DNAJA1: variants seen among roughly 807,000 people sequenced by gnomAD.
DNAJA1 encodes DnaJ heat shock protein family (Hsp40) member A1.
Under a neutral mutation model 47.6 loss-of-function variants are expected in DNAJA1, and 26 were observed. The ratio of observed to expected loss-of-function variants is 0.55; its 90% CI spans 0.40 to 0.76. DNAJA1 has a LOEUF of 0.76. DNAJA1 is among the 30% of genes least tolerant of loss of function. DNAJA1 has a pLI of 0.00. For synonymous variants in DNAJA1, 165 were observed against 158.4 expected (o/e 1.04, Z -0.31); for missense variants, 315 against 485.0 (o/e 0.65, Z 3.29).
At chr9:33,031,341 C>T (rs537210413) in intron 5 of DNAJA1, among the ~76,000 whole-genome samples, 1 of 152,276 alleles carries the variant, frequency 6.6e-6, no homozygotes, top group African/African-American at 2.4e-5. Context: ...CAGGTGATGA[C>T]CTGCCTCGGC....
At chr9:33,025,764 G>T (rs1011020210) in intron 1 of DNAJA1, among the ~76,000 whole-genome samples, 2 of 152,078 alleles carry the variant, frequency 1.3e-5, no homozygotes, top group Non-Finnish European at 2.9e-5. Flanking sequence ...AGGGGCTGCG[G>T]GGGGAGCCGG....
chr9:33,027,467 G>C (rs569099812), intron 3 of DNAJA1, among the ~76,000 whole-genome samples: 2 of 152,012 alleles, frequency 1.3e-5, no homozygotes, highest in African/African-American at 2.4e-5. Flanking sequence ...CAGTGGTGTC[G>C]CTTTTTTTAA....
Position 33,039,295 on chromosome 9 carries a change from GA to G in DNAJA1, c.*401del, listed in dbSNP as rs1323003368. On this transcript the variant is annotated 3_prime_UTR_variant, in exon 9 of 9. Coordinates refer to ENST00000330899, the MANE Select transcript of DNAJA1 (RefSeq NM_001539.4). ...AACTCTGTATTTAACTGGCAATGAGGAAAAAAAAATTTTGTAGAGAAGTGTT... is the reference window on the plus strand; with the variant it reads ...AACTCTGTATTTAACTGGCAATGAGGAAAAAAAATTTTGTAGAGAAGTGTT... 8 of 174,378 alleles carry G rather than the reference GA, an allele frequency of 4.6e-5. No homozygotes were observed. The highest frequency in any genetic ancestry group is 1.5e-4 in the East Asian group (1 of 6,468). 10.8% of individuals were successfully genotyped at this position (174,378 alleles called of 1,614,324 possible).
At chr9:33,036,493 T>C (rs1839034659) in intron 6 of DNAJA1, 81 bp from the exon 7 acceptor site, 1 of 870,528 alleles carries the variant, frequency 1.1e-6, no homozygotes. Flanking sequence ...TTTGCTTTTA[T>C]TAAACAAAAA....
intron 1 of DNAJA1, among the ~76,000 whole-genome samples, chr9:33,025,802 TTC>T (rs1838819102): frequency 6.6e-6 from 1 of 152,206 alleles, no homozygotes; most frequent in African/African-American, 2.4e-5. Context: ...TGGTTTCGCT[TTC>T]TCTGTTTCCC....
At position 33,037,075 on chromosome 9, in the gene DNAJA1, G is replaced by A. The variant is rs1839046760; in HGVS notation, c.935G>A (p.Arg312His). 8 of 1,613,876 alleles carry A rather than the reference G, an allele frequency of 5.0e-6. No individual in the cohort carries two copies. The highest frequency in any genetic ancestry group is 4.5e-5 in the East Asian group (2 of 44,888). ...CVLNEGMPIY[R>H]RPYEKGRLII... ...CTAAATGAAGGCATGCCAATTTATCGTAGACCATATGAAAAGGGTCGCCTA... is the reference window on the plus strand; with the variant it reads ...CTAAATGAAGGCATGCCAATTTATCATAGACCATATGAAAAGGGTCGCCTA... The change falls in exon 8 of 9, where the codon CGT (arginine) becomes CAT (histidine). Residue 312 changes from arginine to histidine, a missense_variant. Physicochemically the swap from Arg to His is conservative, Grantham distance 29 (BLOSUM62 0). This residue lies in a region of DNAJA1 where 162 missense variants were observed against 185.4 expected (regional missense o/e 0.87). Transcript: ENST00000330899.
intron 3 of DNAJA1, 101 bp downstream of exon 3, chr9:33,027,091 T>G (rs560337116): frequency 7.1e-7 from 1 of 1,414,498 alleles, no homozygotes; most frequent in East Asian, 2.4e-5. Context: ...TACATGTTGG[T>G]ATAATGTTGC....
rs551493408 is a variant in DNAJA1, at chr9:33,025,291, C to T, written c.-103C>T. On this transcript the variant is annotated 5_prime_UTR_variant, in exon 1 of 9. Transcript: ENST00000330899. ...GCGCCGGGCGGAACTTTCCAGAACGCTCGGTGAGAGGCGGAGGAGCGGTAA... is the reference window on the plus strand; with the variant it reads ...GCGCCGGGCGGAACTTTCCAGAACGTTCGGTGAGAGGCGGAGGAGCGGTAA... The T allele has an allele frequency of 2.0e-5, 3 of 152,586 alleles. No homozygotes were observed. Among genetic ancestry groups the T allele is most frequent in the East Asian group, 1.9e-4 (1 of 5,150 alleles). The allele number at this position is 152,586 out of a possible 1,614,324, so 9.5% of individuals were successfully genotyped here.
chr9:33,034,472 T>C, intron 6 of DNAJA1, 142 bp downstream of exon 6: 1 of 645,542 alleles, frequency 1.5e-6, no homozygotes, highest in Non-Finnish European at 2.6e-6. Flanking sequence ...ATTGTTCAGA[T>C]CATAAGAGGT....
intron 8 of DNAJA1, 59 bp from the exon 9 acceptor site, chr9:33,038,626 T>C: frequency 6.6e-7 from 1 of 1,506,794 alleles, no homozygotes; most frequent in Non-Finnish European, 9.1e-7. Flanking sequence ...AATGGGTCCA[T>C]GATACTCTAA....
intron 5 of DNAJA1, 87 bp from the exon 6 acceptor site, chr9:33,034,129 C>A: frequency 1.2e-6 from 1 of 866,540 alleles, no homozygotes; most frequent in Non-Finnish European, 1.7e-6. Flanking sequence ...GATTTTTATG[C>A]ATAAACAAAC....
intron 5 of DNAJA1, among the ~76,000 whole-genome samples, chr9:33,031,803 G>A (rs970124705): frequency 6.6e-6 from 1 of 152,122 alleles, no homozygotes; most frequent in Non-Finnish European, 1.5e-5. Flanking sequence ...TAAATGCTCC[G>A]TTAATTGATT....
At chr9:33,026,724 C>A (rs1438290703) in intron 2 of DNAJA1, 89 bp from the exon 3 acceptor site, 1 of 1,569,508 alleles carries the variant, frequency 6.4e-7, no homozygotes, top group African/African-American at 1.4e-5. Flanking sequence ...ATGATCACTT[C>A]TCGGCCTTTT....
rs147559018 is a variant in DNAJA1, at chr9:33,027,066, T to C, written c.310+76T>C. The C allele has an allele frequency of 2.2e-3, 3,312 of 1,535,120 alleles. 72 individuals are homozygous for C. In the African/African-American group the frequency reaches 0.04, roughly 19 times the overall value. ...GAGCAGATCTTTGAGAAATCACCCA[T>C]TTTAAATGCTTGTTTACATGTTGGT... is the stretch of plus-strand genomic sequence containing the variant. On this transcript the variant is annotated intron_variant, in intron 3 of 8. Transcript: ENST00000330899.
At position 33,039,739 on chromosome 9, in the gene DNAJA1, T is replaced by C. The variant is rs369360190; in HGVS notation, c.*836T>C. On this transcript the variant is annotated 3_prime_UTR_variant, in exon 9 of 9. Coordinates refer to ENST00000330899, the MANE Select transcript of DNAJA1 (RefSeq NM_001539.4). Reference sequence around the variant, plus strand: ...ATGTTACAGGATTACTTTAAACCATTTGACTTTCGCTCCAAAGTTATGTTG... The same window carrying C: ...ATGTTACAGGATTACTTTAAACCATCTGACTTTCGCTCCAAAGTTATGTTG... 3 of 151,936 alleles carry C rather than the reference T, an allele frequency of 2.0e-5. No homozygotes were observed. Among genetic ancestry groups the C allele is most frequent in the South Asian group, 4.1e-4 (2 of 4,822 alleles). The allele number at this position is 151,936 out of a possible 1,614,324, so 9.4% of individuals were successfully genotyped here.
chr9:33,033,692 G>A (rs1004025248), intron 5 of DNAJA1, among the ~76,000 whole-genome samples: 8 of 152,184 alleles, frequency 5.3e-5, no homozygotes, highest in Non-Finnish European at 1.2e-4. Context: ...CCTATCTCAA[G>A]AGAAGATTAT....
intron 6 of DNAJA1, among the ~76,000 whole-genome samples, chr9:33,035,699 C>T (rs1413609883): frequency 6.6e-6 from 1 of 151,840 alleles, no homozygotes; most frequent in Non-Finnish European, 1.5e-5. Flanking sequence ...GAACTCCTGA[C>T]CTTAGGCAAT....
In DNAJA1 at chr9:33,026,799, CTT is replaced by C; in HGVS notation, c.133-11_133-10del. ...TTTTTAAAAAATGAAATTCACTCCT[CTT>C]TTCTCAAACAGTTTAAACAGATTTC... is the stretch of plus-strand genomic sequence containing the variant. On this transcript the variant is annotated splice_polypyrimidine_tract_variant and intron_variant, in intron 2 of 8. Transcript: ENST00000330899. 2 of 1,604,790 alleles carry C rather than the reference CTT, an allele frequency of 1.2e-6. No homozygotes were observed. Among genetic ancestry groups the C allele is most frequent in the African/African-American group, 2.7e-5 (2 of 74,252 alleles).
At position 33,026,778 on chromosome 9, in the gene DNAJA1, T is replaced by TA. The variant is rs1389899592; in HGVS notation, c.133-29dup. 2.5e-6 allele frequency: 4 copies of TA among 1,601,918 alleles called. No individual in the cohort carries two copies. In the African/African-American group the frequency reaches 4.1e-5, roughly 16 times the overall value. On this transcript the variant is annotated intron_variant, in intron 2 of 8. Coordinates refer to ENST00000330899, the MANE Select transcript of DNAJA1 (RefSeq NM_001539.4). ...ATGTAGCTAGGTAACACTTGTTTTT[T>TA]AAAAAATGAAATTCACTCCTCTTTT...
Sources: gnomAD v4.1 joint callset for allele counts (sites outside exome capture counted in the v4.1 genomes callset) on GRCh38, gnomAD v4.1.1 for gene constraint, gnomAD v4.1.1 regional missense constraint, MANE v1.5 for transcripts, NCBI Gene and HGNC (gene_info 2026-07-23, HGNC 2026-07-21) for gene names.